PLD5: variants seen among roughly 807,000 people sequenced by gnomAD.
PLD5 encodes the protein phospholipase D family member 5.
Under a neutral mutation model 61.1 loss-of-function variants are expected in PLD5, and 36 were observed. The observed-to-expected ratio is 0.59, with a 90% CI of 0.45 to 0.78. PLD5 has a LOEUF of 0.78. Ranked by LOEUF, PLD5 falls within the 30% of genes least tolerant of loss-of-function variation. The pLI is 0.00. For missense variants in PLD5, 515 were observed against 644.4 expected, an observed-to-expected ratio of 0.80 and a Z score of 2.17; for synonymous variants, 243 against 242.8, an observed-to-expected ratio of 1.00 and a Z score of -0.01.
chr1:242,215,785 A>G (rs1670150927), intron 5 of PLD5, among the ~76,000 whole-genome samples: 1 of 152,206 alleles, frequency 6.6e-6, no homozygotes, highest in African/African-American at 2.4e-5. Flanking sequence ...TGAAGAAGAC[A>G]AGTCAGAAGA....
rs145403847 is a variant in PLD5 at position 242,314,053 on chromosome 1, C to T, written c.327-25523G>A. Among the ~76,000 whole-genome samples the T allele has an allele frequency of 2.1e-3, 315 of 152,236 alleles. 2 individuals carry two copies. The highest frequency in any genetic ancestry group is 7.3e-3 in the African/African-American group (303 of 41,534). ...AGCAACTAGCAAGAGAATCCAGGAA[C>T]ATTAGTCTCGTGGTCAAGGTTATTG... On this transcript the variant is annotated intron_variant, in intron 2 of 9. Coordinates refer to ENST00000536534, the MANE Select transcript of PLD5 (RefSeq NM_001372062.1).
In PLD5 at chr1:242,524,364, G is replaced by A; in HGVS notation, c.-88C>T. ...GCGCGGAGGGCGAGCGGGAGGCCCAGCGGGAGCCGGAGGTGGAGCTGGAGA... is the reference window on the plus strand; with the variant it reads ...GCGCGGAGGGCGAGCGGGAGGCCCAACGGGAGCCGGAGGTGGAGCTGGAGA... On this transcript the variant is annotated 5_prime_UTR_variant, in exon 1 of 10. Transcript: ENST00000536534. The A allele has an allele frequency of 4.0e-6, 5 of 1,245,854 alleles. No homozygotes were observed. The highest frequency in any genetic ancestry group is 5.2e-6 in the Non-Finnish European group (5 of 967,630). 77.2% of individuals were successfully genotyped at this position (1,245,854 alleles called of 1,614,324 possible).
intron 1 of PLD5, among the ~76,000 whole-genome samples, chr1:242,422,323 C>T (rs1355537693): frequency 2.0e-5 from 3 of 152,200 alleles, no homozygotes; most frequent in Non-Finnish European, 4.4e-5. Context: ...CTGCCTCCCG[C>T]ACCAGGGTCA....
At chr1:242,162,906 A>AGAT (rs1665958180) in intron 5 of PLD5, among the ~76,000 whole-genome samples, 1 of 152,210 alleles carries the variant, frequency 6.6e-6, no homozygotes, top group Admixed American at 6.5e-5. Flanking sequence ...TAACCCACCA[A>AGAT]GATGGCGAAT....
intron 4 of PLD5, among the ~76,000 whole-genome samples, chr1:242,230,494 T>C (rs1236462382): frequency 1.3e-5 from 2 of 152,160 alleles, no homozygotes; most frequent in African/African-American, 4.8e-5. Context: ...GTGTGAACAA[T>C]GAAAAAAATC....
At chr1:242,495,950 T>A (rs1363391979) in intron 1 of PLD5, among the ~76,000 whole-genome samples, 1 of 152,242 alleles carries the variant, frequency 6.6e-6, no homozygotes, top group African/African-American at 2.4e-5. Flanking sequence ...TTTAATTATA[T>A]AACCATAACA....
At chr1:242,099,075 C>G (rs182968718) in intron 9 of PLD5, among the ~76,000 whole-genome samples, 149 of 152,252 alleles carry the variant, frequency 9.8e-4, no homozygotes, top group African/African-American at 3.5e-3. Flanking sequence ...AACCACCACT[C>G]TCTTCAAAGC....
chr1:242,206,516 A>C (rs316862), intron 5 of PLD5, among the ~76,000 whole-genome samples: 128,386 of 152,230 alleles, frequency 0.84, 54,399 homozygotes, highest in South Asian at 0.94. Context: ...TAGCTTTGGG[A>C]TCCCCAGAAA....
chr1:242,449,292 G>A (rs1379004978), intron 1 of PLD5: 3 of 1,533,966 alleles, frequency 2.0e-6, no homozygotes, highest in African/African-American at 2.7e-5. Context: ...TTCACCAGCA[G>A]AGGCTAAGAA....
chr1:242,455,493 G>C (rs545480344), intron 1 of PLD5, among the ~76,000 whole-genome samples: 1 of 152,182 alleles, frequency 6.6e-6, no homozygotes, highest in African/African-American at 2.4e-5. Context: ...ATTAACCTTT[G>C]ACCAAAGTCA....
chr1:242,282,212 A>T (rs1230619123), intron 3 of PLD5, among the ~76,000 whole-genome samples: 1 of 152,228 alleles, frequency 6.6e-6, no homozygotes, highest in Admixed American at 6.5e-5. Context: ...TTTAATCTGC[A>T]CAACCACCTA....
intron 2 of PLD5, among the ~76,000 whole-genome samples, chr1:242,310,261 C>G (rs1173059247): frequency 1.3e-5 from 2 of 152,142 alleles, no homozygotes; most frequent in Non-Finnish European, 2.9e-5. Flanking sequence ...TGGGTCCTGT[C>G]TCACTCCTCT....
chr1:242,208,201 C>G (rs1669565030), intron 5 of PLD5, among the ~76,000 whole-genome samples: 1 of 151,596 alleles, frequency 6.6e-6, no homozygotes, highest in Admixed American at 6.6e-5. Context: ...AGCAGGATCT[C>G]TTTCTTTCTT....
intron 1 of PLD5, among the ~76,000 whole-genome samples, chr1:242,396,673 C>CTTTTTTTTTTTTTTTTTT (rs1202041198): frequency 7.7e-6 from 1 of 129,544 alleles, no homozygotes. Context: ...CTTTTCTTTT[C>CTTTTTTTTTTTTTTTTTT]TTTTTTTTTT....
rs1673002404 is a variant in PLD5, at chr1:242,256,190, T to G, written c.607+9147A>C. Among the ~76,000 whole-genome samples, 1 of 152,056 alleles carries G rather than the reference T, an allele frequency of 6.6e-6. No individual in the cohort carries two copies. The highest frequency in any genetic ancestry group is 2.4e-5 in the African/African-American group (1 of 41,390). Reference sequence around the variant, plus strand: ...TTGAGTCACAAGGGGAGCAGATGAGTGGATGCAGAGGGCTGAGCACTGTCA... The same window carrying G: ...TTGAGTCACAAGGGGAGCAGATGAGGGGATGCAGAGGGCTGAGCACTGTCA... On this transcript the variant is annotated intron_variant, in intron 4 of 9. Coordinates refer to ENST00000536534, the MANE Select transcript of PLD5 (RefSeq NM_001372062.1). The surrounding 1 kb of genome is among the most constrained non-coding windows in gnomAD (Gnocchi z 5.7).
At chr1:242,272,614 T>C (rs1021797320) in intron 3 of PLD5, among the ~76,000 whole-genome samples, 6 of 152,166 alleles carry the variant, frequency 3.9e-5, no homozygotes, top group African/African-American at 1.4e-4. Flanking sequence ...ACAAATCTTA[T>C]CTATTTGGAA....
intron 5 of PLD5, among the ~76,000 whole-genome samples, chr1:242,207,991 T>TACACACACACACACACACACAC (rs34110062): frequency 2.5e-5 from 1 of 40,284 alleles, no homozygotes; most frequent in Non-Finnish European, 4.0e-5. Context: ...TATATATTTA[T>TACACACACACACACACACACAC]ACACACACAC....
At chr1:242,152,796 G>A (rs531302178) in intron 5 of PLD5, among the ~76,000 whole-genome samples, 1 of 152,094 alleles carries the variant, frequency 6.6e-6, no homozygotes, top group Non-Finnish European at 1.5e-5. Context: ...TTGTTATGGT[G>A]AATAGTGCCA....
chr1:242,142,721 TC>T lies in PLD5; in HGVS notation c.736-18057del, dbSNP rs1351742183. 9.3e-3 allele frequency among the ~76,000 whole-genome samples: 267 copies of T among 28,788 alleles called. 2 individuals carry two copies. The highest frequency in any genetic ancestry group is 0.038 in the African/African-American group (216 of 5,672). 18.9% of individuals were successfully genotyped at this position (28,788 alleles called of 152,430 possible). A position where few individuals can be genotyped will look rare whatever the true frequency, so the allele number is the denominator to read the frequency against. On this transcript the variant is annotated intron_variant, in intron 5 of 9. Coordinates refer to ENST00000536534, the MANE Select transcript of PLD5 (RefSeq NM_001372062.1). The stretch of plus-strand genomic sequence containing the variant: ...AGGTGTAGAGCTGTGTCTTTCTCTC[TC>T]TCTCTCTCTCTCTCTCTCTCTCTGT...
Sources: gnomAD v4.1 joint callset for allele counts (sites outside exome capture counted in the v4.1 genomes callset) on GRCh38, gnomAD v4.1.1 for gene constraint, Gnocchi (gnomAD v3.1) non-coding constraint, MANE v1.5 for transcripts, NCBI Gene and HGNC (gene_info 2026-07-23, HGNC 2026-07-21) for gene names.